Variants in SORBS2 observed in about 807,000 individuals in gnomAD.
The protein encoded by SORBS2 is sorbin and SH3 domain containing 2.
Under a neutral mutation model 97.7 loss-of-function variants are expected in SORBS2, and 46 were observed. The ratio of observed to expected loss-of-function variants is 0.47; its 90% CI spans 0.37 to 0.60. SORBS2 has a LOEUF of 0.60. Ranked by LOEUF, SORBS2 falls within the 20% of genes least tolerant of loss-of-function variation. The pLI, the probability that SORBS2 is intolerant of heterozygous loss-of-function variation, is 0.00. For synonymous variants in SORBS2, 476 were observed against 473.4 expected (o/e 1.01, Z -0.07); for missense variants, 1,316 against 1,282.3 (o/e 1.03, Z -0.40).
rs911164635 is a variant in SORBS2 at position 185,625,454 on chromosome 4, A to G, written c.635-960T>C. On this transcript the variant is annotated intron_variant, in intron 6 of 14. Transcript: ENST00000418609. ...AGGAAAATATCTCTATTCAATACTTATACCTTACAATGTTCTCTAAATTCT... is the reference window on the plus strand; with the variant it reads ...AGGAAAATATCTCTATTCAATACTTGTACCTTACAATGTTCTCTAAATTCT... 3.9e-5 allele frequency among the ~76,000 whole-genome samples: 6 copies of G among 152,362 alleles called. No homozygotes were observed. In the East Asian group the frequency reaches 1.2e-3, roughly 29 times the overall value.
chr4:185,925,410 T>A (rs528434562), intron 1 of SORBS2, among the ~76,000 whole-genome samples: 13 of 96,962 alleles, frequency 1.3e-4, no homozygotes, highest in African/African-American at 3.5e-4. Context: ...AAATAGCACA[T>A]TTTTTTTCTA....
chr4:185,619,054 C>T (rs938213893), intron 8 of SORBS2, among the ~76,000 whole-genome samples: 14 of 152,178 alleles, frequency 9.2e-5, no homozygotes, highest in Admixed American at 7.2e-4. Flanking sequence ...AGTAATCATT[C>T]CCTTCATTAG....
chr4:185,694,333 T>C (rs1370141649), intron 2 of SORBS2, among the ~76,000 whole-genome samples: 6 of 152,348 alleles, frequency 3.9e-5, no homozygotes, highest in Non-Finnish European at 5.9e-5. Context: ...TTCTCTTAAC[T>C]TGGAATTGAA....
At chr4:185,887,540 T>C (rs1380312842) in intron 1 of SORBS2, among the ~76,000 whole-genome samples, 3 of 152,232 alleles carry the variant, frequency 2.0e-5, no homozygotes, top group Admixed American at 1.3e-4. Flanking sequence ...TGCAGATTTA[T>C]AGACTGCAGA....
At chr4:185,943,418 A>G (rs1411800031) in intron 1 of SORBS2, among the ~76,000 whole-genome samples, 4 of 152,246 alleles carry the variant, frequency 2.6e-5, no homozygotes, top group Non-Finnish European at 5.9e-5. Context: ...GTGATGGCAT[A>G]GAAACATCAT....
At chr4:185,661,181 C>T (rs1347050467), upstream of SORBS2, among the ~76,000 whole-genome samples, 3 of 151,156 alleles carry the variant, frequency 2.0e-5, no homozygotes, top group Non-Finnish European at 4.4e-5. Flanking sequence ...GAGGCTGAGG[C>T]AGGAGCATCA....
chr4:185,879,168 C>A (rs4529103), intron 1 of SORBS2, among the ~76,000 whole-genome samples: 3 of 80,092 alleles, frequency 3.7e-5, no homozygotes, highest in East Asian at 4.8e-4. Flanking sequence ...CTATCCCTCC[C>A]CCCCCCCCAC....
chr4:185,768,199 G>GCACGA (rs1299671977), intron 2 of SORBS2, among the ~76,000 whole-genome samples: 8 of 152,148 alleles, frequency 5.3e-5, no homozygotes, highest in Non-Finnish European at 1.2e-4. Context: ...TCTGCCTGTG[G>GCACGA]CACGGCTCCT....
chr4:185,800,888 A>T, intron 1 of SORBS2, among the ~76,000 whole-genome samples: 1 of 152,172 alleles, frequency 6.6e-6, no homozygotes, highest in East Asian at 1.9e-4. Flanking sequence ...ATCACTTCTT[A>T]TCTTTTTTGT....
At chr4:185,665,898 G>A (rs1241904657) in intron 4 of SORBS2, 7 of 1,189,706 alleles carry the variant, frequency 5.9e-6, no homozygotes, top group Admixed American at 3.4e-5. Context: ...AGGAGTGCTC[G>A]GCCAGGGAGG....
intron 2 of SORBS2, among the ~76,000 whole-genome samples, chr4:185,691,976 T>C (rs1441795765): frequency 6.6e-6 from 1 of 152,246 alleles, no homozygotes; most frequent in African/African-American, 2.4e-5. Flanking sequence ...TACGATCTCC[T>C]GACCTTGTGA....
chr4:185,596,331 T>A (rs1427602978), intron 12 of SORBS2, among the ~76,000 whole-genome samples: 49 of 152,272 alleles, frequency 3.2e-4, no homozygotes, highest in African/African-American at 1.2e-3. Flanking sequence ...AAAGTCCGTA[T>A]ATCCCTTTTT....
rs765716749 is a variant in SORBS2, at chr4:185,589,659, T to C, written c.2953+20A>G. 18 of 1,452,654 alleles carry C rather than the reference T, an allele frequency of 1.2e-5. No individual in the cohort carries two copies. The highest frequency in any genetic ancestry group is 6.7e-5 in the Admixed American group (4 of 59,838). 90.0% of individuals were successfully genotyped at this position (1,452,654 alleles called of 1,614,324 possible). On this transcript the variant is annotated intron_variant, in intron 14 of 14. Coordinates refer to ENST00000418609, the Ensembl canonical transcript of SORBS2. Reference sequence around the variant, plus strand: ...AAATTACAAAATAGCCGAAGGTGCCTGAGGAAGAAGCGCACATACCCACAA... The same window carrying C: ...AAATTACAAAATAGCCGAAGGTGCCCGAGGAAGAAGCGCACATACCCACAA...
At chr4:185,904,993 A>G (rs558406948) in intron 1 of SORBS2, among the ~76,000 whole-genome samples, 1 of 152,228 alleles carries the variant, frequency 6.6e-6, no homozygotes, top group African/African-American at 2.4e-5. Context: ...AGTCCCAGCT[A>G]CTCGGGAAGC....
At chr4:185,638,936 G>A in intron 4 of SORBS2, 1 of 1,513,148 alleles carries the variant, frequency 6.6e-7, no homozygotes. Flanking sequence ...CTCCGGGGCG[G>A]AGGGGAGGGG....
chr4:185,649,269 C>T (rs1050071975), intron 3 of SORBS2, among the ~76,000 whole-genome samples, 198 bp downstream of exon 12: 2 of 152,136 alleles, frequency 1.3e-5, no homozygotes, highest in African/African-American at 4.8e-5. Context: ...ATTTAGGGCA[C>T]TCCAGTATCA....
chr4:185,627,261 G>C (rs1329797685), intron 5 of SORBS2, among the ~76,000 whole-genome samples: 1 of 152,176 alleles, frequency 6.6e-6, no homozygotes, highest in Non-Finnish European at 1.5e-5. Flanking sequence ...CAGGCTGGAA[G>C]CGCAGTGGTG....
chr4:185,642,240 G>T (rs941767345), intron 4 of SORBS2, among the ~76,000 whole-genome samples: 2 of 152,028 alleles, frequency 1.3e-5, no homozygotes, highest in Non-Finnish European at 2.9e-5. Flanking sequence ...AGTTCATTAA[G>T]GGTTTAAGTT....
chr4:185,896,089 C>G (rs2099244888), intron 1 of SORBS2, among the ~76,000 whole-genome samples: 1 of 152,160 alleles, frequency 6.6e-6, no homozygotes, highest in African/African-American at 2.4e-5. Context: ...CGGATTAGGC[C>G]AAAGAATCTC....
Sources: allele counts gnomAD v4.1 joint callset (sites outside exome capture counted in the v4.1 genomes callset), GRCh38; gene constraint gnomAD v4.1.1; transcripts MANE v1.5; gene names NCBI Gene and HGNC (gene_info 2026-07-23, HGNC 2026-07-21).